Variants in TBL1XR1 observed in about 807,000 individuals in gnomAD.
TBL1XR1 encodes the protein F-box-like/WD repeat-containing protein TBL1XR1.
Under a neutral mutation model 66.9 loss-of-function variants are expected in TBL1XR1, and 5 were observed. The observed-to-expected ratio is 0.07, with a 90% confidence interval of 0.04 to 0.16. The LOEUF (loss-of-function observed/expected upper bound fraction) is 0.16, where lower values mean the gene tolerates loss of function less well. TBL1XR1 is among the 10% of genes least tolerant of loss of function. The probability of loss-of-function intolerance (pLI) is 1.00; values close to 1 mark genes in which losing one functional copy is unlikely to be tolerated. For missense variants in TBL1XR1, 238 were observed against 623.2 expected (o/e 0.38, Z 6.58); for synonymous variants, 210 against 206.0 (o/e 1.02, Z -0.17).
chr3:177,075,073 A>C (rs1394872306), intron 2 of TBL1XR1, among the ~76,000 whole-genome samples: 7 of 152,222 alleles, frequency 4.6e-5, no homozygotes, highest in Non-Finnish European at 7.3e-5. Context: ...GGCCACTTAA[A>C]ATTACAACAG....
chr3:177,026,151 C>G, intron 15 of TBL1XR1: 1 of 515,656 alleles, frequency 1.9e-6, no homozygotes, highest in Non-Finnish European at 3.3e-6. Context: ...AAATAACTGT[C>G]CATTTCTAGA....
rs1157097748 is a variant in TBL1XR1, at chr3:177,112,095, ATATATATATATATTTT to A, written c.-121-13570_-121-13555del. Among the ~76,000 whole-genome samples the A allele has an allele frequency of 3.3e-4, 16 of 48,062 alleles. 1 individual carries two copies. In the East Asian group the frequency reaches 6.1e-3, roughly 18 times the overall value. 31.5% of individuals were successfully genotyped at this position (48,062 alleles called of 152,430 possible). On this transcript the variant is annotated intron_variant, in intron 1 of 15. Coordinates refer to ENST00000457928, the MANE Select transcript of TBL1XR1 (RefSeq NM_024665.7). ...ATCAAATATATATATATATATATAT[ATATATATATATATTTT>A]TTTTTTTTTTTTTTGTGAGGGGCTC...
At chr3:177,163,163 G>A (rs542144979) in intron 1 of TBL1XR1, among the ~76,000 whole-genome samples, 84 of 152,234 alleles carry the variant, frequency 5.5e-4, no homozygotes, top group Non-Finnish European at 9.1e-4. Context: ...TGAAGGGACC[G>A]GTTAAACTAT....
intron 1 of TBL1XR1, among the ~76,000 whole-genome samples, chr3:177,114,221 A>G (rs1415223939): frequency 2.0e-5 from 3 of 151,726 alleles, no homozygotes; most frequent in Non-Finnish European, 4.4e-5. Context: ...TACATCATAT[A>G]TATACATACA....
At chr3:177,066,709 C>T (rs904704951) in intron 2 of TBL1XR1, among the ~76,000 whole-genome samples, 1 of 152,084 alleles carries the variant, frequency 6.6e-6, no homozygotes, top group Non-Finnish European at 1.5e-5. Context: ...CAGAGGAACA[C>T]TGGGGTTCCA....
intron 9 of TBL1XR1, 136 bp downstream of exon 9, chr3:177,047,164 A>C (rs1320939791): frequency 1.5e-6 from 1 of 684,488 alleles, no homozygotes; most frequent in African/African-American, 1.8e-5. Context: ...GATAGACCTA[A>C]GGAGTATTTC....
intron 3 of TBL1XR1, among the ~76,000 whole-genome samples, chr3:177,059,357 CA>C (rs1560127540): frequency 6.6e-6 from 1 of 151,882 alleles, no homozygotes; most frequent in African/African-American, 2.4e-5. Context: ...TACAATGAAA[CA>C]AAAAAATGAA....
intron 1 of TBL1XR1, among the ~76,000 whole-genome samples, chr3:177,189,586 C>T (rs1191446326): frequency 6.9e-6 from 1 of 143,912 alleles, no homozygotes; most frequent in African/African-American, 2.7e-5. Flanking sequence ...ACCCAGGGGG[C>T]GGAGGTTGCA....
intron 1 of TBL1XR1, among the ~76,000 whole-genome samples, chr3:177,115,663 T>C (rs907334784): frequency 6.6e-6 from 1 of 152,204 alleles, no homozygotes; most frequent in Non-Finnish European, 1.5e-5. Context: ...AAATTGTTTT[T>C]AATGCATCCC....
intron 7 of TBL1XR1, 50 bp from the exon 8 acceptor site, chr3:177,047,599 A>T (rs1267831611): frequency 6.5e-7 from 1 of 1,544,992 alleles, no homozygotes; most frequent in Non-Finnish European, 8.9e-7. Flanking sequence ...TACGGTATTT[A>T]ATTGTTGTTA....
intron 1 of TBL1XR1, among the ~76,000 whole-genome samples, chr3:177,187,692 T>C (rs1735594280): frequency 6.6e-6 from 1 of 152,064 alleles, no homozygotes. Flanking sequence ...TGAATGTCTC[T>C]TTACAATGTC....
At chr3:177,162,681 A>G (rs1732366340) in intron 1 of TBL1XR1, among the ~76,000 whole-genome samples, 2 of 152,206 alleles carry the variant, frequency 1.3e-5, no homozygotes, top group African/African-American at 4.8e-5. Context: ...TACCTCAACT[A>G]AAAGAAAGTT....
intron 14 of TBL1XR1, among the ~76,000 whole-genome samples, chr3:177,032,085 C>A (rs565900599): frequency 6.6e-6 from 1 of 152,022 alleles, no homozygotes. Flanking sequence ...TTGAACTGTG[C>A]GGTAAAATAT....
intron 1 of TBL1XR1, among the ~76,000 whole-genome samples, chr3:177,158,076 G>T (rs1731723611): frequency 6.6e-6 from 1 of 151,570 alleles, no homozygotes; most frequent in Admixed American, 6.6e-5. Context: ...TATATCTTAA[G>T]GTCCCACCAC....
intron 2 of TBL1XR1, among the ~76,000 whole-genome samples, chr3:177,068,319 A>G (rs1300055278): frequency 1.3e-5 from 2 of 152,210 alleles, no homozygotes; most frequent in Admixed American, 6.5e-5. Context: ...TAAAATTCCA[A>G]TCACTTATAG....
At chr3:177,161,509 G>A (rs554846560) in intron 1 of TBL1XR1, among the ~76,000 whole-genome samples, 19 of 152,122 alleles carry the variant, frequency 1.2e-4, no homozygotes, top group East Asian at 3.8e-4. Context: ...TTGGCCAGGC[G>A]CGGTGGCTCA....
intron 2 of TBL1XR1, chr3:177,086,995 AG>A (rs1722211909): frequency 6.7e-6 from 1 of 149,348 alleles, no homozygotes; most frequent in South Asian, 2.2e-4. Flanking sequence ...ATCATCCTGA[AG>A]GTCCTCATCC....
In TBL1XR1 at chr3:177,031,791, A is replaced by G. The variant is rs972741939; in HGVS notation, c.1416+1180T>C. On this transcript the variant is annotated intron_variant, in intron 14 of 15. Transcript: ENST00000457928. The stretch of plus-strand genomic sequence containing the variant: ...AAGAAAAACAAAAATAAATATTAAA[A>G]AATTTTATTAAAATGTAATGTAAGA... 7.4e-4 allele frequency among the ~76,000 whole-genome samples: 112 copies of G among 151,344 alleles called. 1 individual carries two copies. The highest frequency in any genetic ancestry group is 2.3e-3 in the African/African-American group (94 of 41,532).
intron 2 of TBL1XR1, among the ~76,000 whole-genome samples, chr3:177,088,477 T>C (rs1255283851): frequency 6.6e-6 from 1 of 152,154 alleles, no homozygotes; most frequent in Non-Finnish European, 1.5e-5. Flanking sequence ...GAAATCCAAG[T>C]AAATATGAAA....
Sources: gnomAD v4.1 joint callset for allele counts (sites outside exome capture counted in the v4.1 genomes callset) on GRCh38, gnomAD v4.1.1 for gene constraint, MANE v1.5 for transcripts, NCBI Gene and HGNC (gene_info 2026-07-23, HGNC 2026-07-21) for gene names.